DGKI: variants seen among roughly 807,000 people sequenced by gnomAD.
DGKI encodes diacylglycerol kinase iota, also known as DAG kinase iota.
A neutral mutation model predicts 147.5 loss-of-function variants in DGKI; 55 were observed. That is an observed-to-expected ratio of 0.37 (90% CI 0.30 to 0.47). The LOEUF is 0.47. DGKI is among the 20% of genes least tolerant of loss of function. DGKI has a pLI of 1.00. For missense variants in DGKI, 1,007 were observed against 1,323.8 expected (o/e 0.76, Z 3.71); for synonymous variants, 469 against 477.1 (o/e 0.98, Z 0.22).
At chr7:137,569,089 TC>T (rs1185102582) in intron 19 of DGKI, among the ~76,000 whole-genome samples, 1 of 152,072 alleles carries the variant, frequency 6.6e-6, no homozygotes, top group African/African-American at 2.4e-5. Context: ...ATGCTGTGCT[TC>T]ACTTGTCAGC....
chr7:137,649,704 T>C (rs1821955278), intron 5 of DGKI, among the ~76,000 whole-genome samples: 1 of 151,208 alleles, frequency 6.6e-6, no homozygotes, highest in Non-Finnish European at 1.5e-5. Flanking sequence ...CACTAAAGAA[T>C]TTAGTCACGT....
intron 1 of DGKI, among the ~76,000 whole-genome samples, chr7:137,816,742 G>A (rs1797747763): frequency 6.6e-6 from 1 of 152,174 alleles, no homozygotes; most frequent in East Asian, 1.9e-4. Flanking sequence ...GAGAAGGAGA[G>A]GCAAATTTTT....
At position 137,397,422 on chromosome 7, in the gene DGKI, G is replaced by C; in HGVS notation, c.2921-9C>G. 1 of 1,610,788 alleles carries C rather than the reference G, an allele frequency of 6.2e-7. No homozygotes were observed. The highest frequency in any genetic ancestry group is 1.1e-5 in the South Asian group (1 of 90,018). ...CAATAACTCGGAAGGTCCTAAATAA[G>C]AAGAAAGCAAGATGACCGTCAAAAA... On this transcript the variant is annotated splice_polypyrimidine_tract_variant and intron_variant, in intron 30 of 32. Transcript: ENST00000614521.
intron 20 of DGKI, among the ~76,000 whole-genome samples, chr7:137,523,344 G>T (rs1312256554): frequency 6.6e-6 from 1 of 151,928 alleles, no homozygotes; most frequent in Non-Finnish European, 1.5e-5. Flanking sequence ...CCTCCATATG[G>T]AATCCCACTT....
chr7:137,655,851 A>G (rs1822199182), intron 4 of DGKI, among the ~76,000 whole-genome samples: 1 of 152,212 alleles, frequency 6.6e-6, no homozygotes, highest in South Asian at 2.1e-4. Flanking sequence ...AGGAAAGAGG[A>G]TGGCAGGCAA....
At chr7:137,520,499 G>A (rs552391030) in intron 21 of DGKI, among the ~76,000 whole-genome samples, 1 of 152,164 alleles carries the variant, frequency 6.6e-6, no homozygotes, top group East Asian at 1.9e-4. Flanking sequence ...GTTGTTTACA[G>A]AAGGAAGAAA....
At chr7:137,700,036 T>A (rs1183172256) in intron 1 of DGKI, among the ~76,000 whole-genome samples, 3 of 152,154 alleles carry the variant, frequency 2.0e-5, no homozygotes, top group East Asian at 3.9e-4. Context: ...GCCATAGATA[T>A]AATGGGATGT....
chr7:137,694,248 G>A (rs1346565328), intron 1 of DGKI, among the ~76,000 whole-genome samples: 3 of 151,984 alleles, frequency 2.0e-5, no homozygotes, highest in Admixed American at 2.0e-4. Flanking sequence ...ATGAACCCCA[G>A]GGGGCGGAGC....
chr7:137,472,233 A>ATATATGTATATATAC (rs1247544506), intron 23 of DGKI, among the ~76,000 whole-genome samples: 1 of 105,454 alleles, frequency 9.5e-6, no homozygotes, highest in African/African-American at 4.5e-5. Flanking sequence ...ATATACATAT[A>ATATATGTATATATAC]ATATATGTAT....
chr7:137,822,641 C>T (rs1797938777), intron 1 of DGKI, among the ~76,000 whole-genome samples: 1 of 151,948 alleles, frequency 6.6e-6, no homozygotes, highest in Non-Finnish European at 1.5e-5. Flanking sequence ...GATCATCAGA[C>T]ATTTGAACAG....
intron 19 of DGKI, among the ~76,000 whole-genome samples, chr7:137,569,517 A>T (rs1014737872): frequency 6.6e-6 from 1 of 151,842 alleles, no homozygotes; most frequent in Non-Finnish European, 1.5e-5. Flanking sequence ...CCACGAGGTC[A>T]GGAGATCGAG....
intron 23 of DGKI, among the ~76,000 whole-genome samples, chr7:137,483,128 G>C (rs1815429547): frequency 6.6e-6 from 1 of 151,964 alleles, no homozygotes; most frequent in Non-Finnish European, 1.5e-5. Context: ...CACTCATATT[G>C]TAGTATCTTA....
At chr7:137,437,430 T>C (rs1813326811) in intron 28 of DGKI, among the ~76,000 whole-genome samples, 2 of 152,192 alleles carry the variant, frequency 1.3e-5, no homozygotes, top group African/African-American at 4.8e-5. Flanking sequence ...TACCTAGGAA[T>C]ATATTTAACA....
intron 6 of DGKI, 93 bp from the exon 7 acceptor site, chr7:137,623,647 A>G: frequency 1.8e-6 from 2 of 1,101,782 alleles, no homozygotes; most frequent in Non-Finnish European, 2.8e-6. Flanking sequence ...GAATAAGGCC[A>G]GAAGGCCAGG....
intron 21 of DGKI, among the ~76,000 whole-genome samples, chr7:137,512,887 C>T (rs1247986788): frequency 6.6e-6 from 1 of 152,166 alleles, no homozygotes; most frequent in Non-Finnish European, 1.5e-5. Flanking sequence ...CAATATTCCC[C>T]GGGTATCAGA....
chr7:137,421,290 C>T (rs1812560446), intron 28 of DGKI, among the ~76,000 whole-genome samples: 1 of 152,198 alleles, frequency 6.6e-6, no homozygotes, highest in Admixed American at 6.5e-5. Flanking sequence ...CCACCTGTGC[C>T]AAATCCATCT....
In DGKI at chr7:137,846,411, G is replaced by A. The variant is rs771609308; in HGVS notation, c.401+51C>T. On this transcript the variant is annotated intron_variant, in intron 1 of 32. Transcript: ENST00000614521. The surrounding 1 kb of genome is among the most constrained non-coding windows in gnomAD (Gnocchi z 4.0). ...AGCGCCCCTTGCTGGGTAGAAGAGT[G>A]GGTCTCCCGCCGCGGCGCACCTGTC... is the stretch of plus-strand genomic sequence containing the variant. 3.6e-6 allele frequency: 5 copies of A among 1,403,922 alleles called. No homozygotes were observed. In the Admixed American group the frequency reaches 5.4e-5, roughly 15 times the overall value. The allele number at this position is 1,403,922 out of a possible 1,614,324, so 87.0% of individuals were successfully genotyped here. A position where few individuals can be genotyped will look rare whatever the true frequency, so the allele number is the denominator to read the frequency against.
intron 6 of DGKI, among the ~76,000 whole-genome samples, chr7:137,631,942 A>T (rs542406247): frequency 6.6e-6 from 1 of 152,324 alleles, no homozygotes; most frequent in South Asian, 2.1e-4. Context: ...AAGAGCACCA[A>T]CATTGTTGGG....
intron 28 of DGKI, among the ~76,000 whole-genome samples, chr7:137,434,394 A>C (rs1207192824): frequency 1.3e-5 from 2 of 152,048 alleles, no homozygotes; most frequent in Non-Finnish European, 2.9e-5. Flanking sequence ...AGGCTGACCA[A>C]CATGGTGAAA....
Sources: allele counts gnomAD v4.1 joint callset (sites outside exome capture counted in the v4.1 genomes callset), GRCh38; gene constraint gnomAD v4.1.1; non-coding constraint Gnocchi (gnomAD v3.1); transcripts MANE v1.5; gene names NCBI Gene and HGNC (gene_info 2026-07-23, HGNC 2026-07-21).